COL19A1: variants seen among roughly 807,000 people sequenced by gnomAD.
COL19A1 encodes the protein collagen type XIX alpha 1 chain.
A neutral mutation model predicts 190.2 loss-of-function variants in COL19A1; 159 were observed. That is an observed-to-expected ratio of 0.84 (90% CI 0.73 to 0.95). COL19A1 has a LOEUF of 0.95. Among genes scored for constraint, COL19A1 ranks in the 40% least tolerant of loss-of-function variants. The pLI is 0.00. For synonymous variants in COL19A1, 509 were observed against 458.9 expected (o/e 1.11, Z -1.39); for missense variants, 1,418 against 1,431.9 (o/e 0.99, Z 0.16).
At chr6:70,161,281 C>A (rs948048367) in intron 34 of COL19A1, among the ~76,000 whole-genome samples, 9 of 152,156 alleles carry the variant, frequency 5.9e-5, no homozygotes, top group African/African-American at 1.9e-4. Flanking sequence ...TAAGTGTAAT[C>A]ATCTATTTCT....
At chr6:70,025,570 T>C (rs6934816) in intron 12 of COL19A1, among the ~76,000 whole-genome samples, 59 of 152,336 alleles carry the variant, frequency 3.9e-4, no homozygotes, top group Middle Eastern at 3.4e-3. Context: ...AGGGGAGATG[T>C]GGCCCACACT....
In COL19A1 at chr6:70,207,218, C is replaced by G. The variant is rs143391424; in HGVS notation, c.3373C>G (p.Pro1125Ala). ...CCCAGGACCCAGTGGAAGATGTAAC[C>G]CAGAAGATTGCCTCTATCCTGTGTC... The part of the protein sequence containing the change: ...GPPGPSGRCN[P>A]EDCLYPVSHA... Residue 1125 changes from proline to alanine, a missense_variant, in exon 51 of 51, where the codon CCA becomes GCA. Coordinates refer to ENST00000620364, the MANE Select transcript of COL19A1 (RefSeq NM_001858.6). The G allele has an allele frequency of 1.2e-6, 2 of 1,613,908 alleles. No individual in the cohort carries two copies. The highest frequency in any genetic ancestry group is 1.7e-6 in the Non-Finnish European group (2 of 1,179,974).
chr6:69,902,836 C>A (rs1770277677), intron 4 of COL19A1, among the ~76,000 whole-genome samples: 3 of 152,160 alleles, frequency 2.0e-5, no homozygotes, highest in South Asian at 2.1e-4. Context: ...CGCCAGGGGG[C>A]CACAATAGCC....
chr6:70,039,454 A>ATCT lies in COL19A1; in HGVS notation c.1170+3516_1170+3518dup, dbSNP rs200184571. Among the ~76,000 whole-genome samples the ATCT allele has an allele frequency of 1.2e-3, 184 of 152,306 alleles. No individual in the cohort carries two copies. The East Asian group carries it at 0.027, about 23-fold the overall frequency. On this transcript the variant is annotated intron_variant, in intron 14 of 50. Transcript: ENST00000620364. ...CATTATAGAGGATAGATGAACGTCC[A>ATCT]TCTCCACATTTACAAGCTACTAGCA...
chr6:70,176,662 A>G, intron 42 of COL19A1, 98 bp downstream of exon 42: 2 of 1,096,724 alleles, frequency 1.8e-6, no homozygotes, highest in East Asian at 2.7e-5. Context: ...AGAGCATACC[A>G]TAACTCCCAT....
intron 34 of COL19A1, among the ~76,000 whole-genome samples, chr6:70,159,702 T>C (rs1583053743): frequency 6.6e-6 from 1 of 152,156 alleles, no homozygotes; most frequent in Admixed American, 6.6e-5. Context: ...CACAGTCCTA[T>C]AGAATGCTGA....
chr6:69,931,906 C>T (rs1403145127), intron 6 of COL19A1, among the ~76,000 whole-genome samples: 1 of 151,866 alleles, frequency 6.6e-6, no homozygotes, highest in Non-Finnish European at 1.5e-5. Context: ...ATCACAAATG[C>T]CTGCTTTCTA....
intron 11 of COL19A1, among the ~76,000 whole-genome samples, chr6:69,977,133 A>G (rs1582581939): frequency 6.6e-6 from 1 of 152,166 alleles, no homozygotes. Context: ...TTGCGGCACT[A>G]TTCACAATAG....
In COL19A1 at chr6:70,141,750, T is replaced by A. The variant is rs116591514; in HGVS notation, c.1483-143T>A. 1,895 of 605,734 alleles carry A rather than the reference T, an allele frequency of 3.1e-3. 35 individuals carry two copies. The African/African-American group carries it at 0.032, about 10-fold the overall frequency. The allele number at this position is 605,734 out of a possible 1,614,324, so 37.5% of individuals were successfully genotyped here. A position where few individuals can be genotyped will look rare whatever the true frequency, so the allele number is the denominator to read the frequency against. ...AAGTATTTTGAATCATGTTTTAGAA[T>A]GAACTCTCCTTGATTTTATTGTGTC... is the stretch of plus-strand genomic sequence containing the variant. On this transcript the variant is annotated intron_variant, in intron 20 of 50. Coordinates refer to ENST00000620364, the MANE Select transcript of COL19A1 (RefSeq NM_001858.6).
rs1453681527 is a variant in COL19A1 at position 70,156,192 on chromosome 6, T to C, written c.2145T>C (p.Gly715=). The change falls in exon 32 of 51, where the codon GGT becomes GGC. Residue 715 remains glycine (G), a synonymous_variant. Transcript: ENST00000620364. ...GLKSNKGEEG[G]AGEPGKYDSM... The stretch of plus-strand genomic sequence containing the variant: ...AAAGCAACAAAGGAGAAGAAGGAGG[T>C]GCTGGTGAGCCTGGAAAGTATGATT... The C allele has an allele frequency of 1.2e-6, 2 of 1,612,938 alleles. No individual in the cohort carries two copies. Among genetic ancestry groups the C allele is most frequent in the East Asian group, 2.2e-5 (1 of 44,810 alleles).
intron 34 of COL19A1, among the ~76,000 whole-genome samples, chr6:70,158,947 A>G (rs555249582): frequency 1.2e-4 from 19 of 152,226 alleles, no homozygotes; most frequent in African/African-American, 4.6e-4. Flanking sequence ...TTATGCATCC[A>G]TAGTAACTTT....
chr6:70,156,910 C>T (rs572644079), intron 34 of COL19A1, among the ~76,000 whole-genome samples, 187 bp downstream of exon 34: 26 of 152,066 alleles, frequency 1.7e-4, no homozygotes, highest in African/African-American at 5.3e-4. Context: ...ACCAAGGGTC[C>T]GGTTTTAGAG....
chr6:70,082,955 G>A (rs1198646923), intron 15 of COL19A1, among the ~76,000 whole-genome samples: 1 of 152,144 alleles, frequency 6.6e-6, no homozygotes, highest in African/African-American at 2.4e-5. Flanking sequence ...TGCCCCCACT[G>A]ATGTGACAGG....
chr6:69,907,323 T>C (rs930587397), intron 4 of COL19A1, among the ~76,000 whole-genome samples: 1 of 151,742 alleles, frequency 6.6e-6, no homozygotes, highest in Non-Finnish European at 1.5e-5. Flanking sequence ...AGAGACAGGG[T>C]TTCACCATGT....
chr6:70,102,041 G>A, intron 15 of COL19A1, 128 bp from the exon 16 acceptor site: 1 of 807,618 alleles, frequency 1.2e-6, no homozygotes, highest in Non-Finnish European at 2.1e-6. Context: ...TAAAAGTCAT[G>A]TGGAATTGGA....
intron 1 of COL19A1, among the ~76,000 whole-genome samples, chr6:69,867,093 CTTTT>C (rs3044170): frequency 2.9e-4 from 41 of 141,038 alleles, no homozygotes; most frequent in Admixed American, 3.5e-4. Context: ...CGTTAGAGCG[CTTTT>C]TTTTTTTTTT....
chr6:70,157,216 G>GA (rs570357363), intron 34 of COL19A1, among the ~76,000 whole-genome samples: 10 of 150,724 alleles, frequency 6.6e-5, no homozygotes, highest in Non-Finnish European at 1.3e-4. Flanking sequence ...ATTCTTGGGA[G>GA]AAAAAAAAAC....
chr6:70,058,982 C>T (rs1369441126), intron 14 of COL19A1, among the ~76,000 whole-genome samples: 1 of 151,888 alleles, frequency 6.6e-6, no homozygotes, highest in Non-Finnish European at 1.5e-5. Flanking sequence ...TTCCGATGTC[C>T]CCAACTTAAA....
chr6:70,063,709 G>C (rs1037194323), intron 14 of COL19A1, among the ~76,000 whole-genome samples: 2 of 152,204 alleles, frequency 1.3e-5, no homozygotes, highest in East Asian at 3.9e-4. Context: ...TTTTTGAAAA[G>C]ATCAACAGAA....
Sources: gnomAD v4.1 joint callset for allele counts (sites outside exome capture counted in the v4.1 genomes callset) on GRCh38, gnomAD v4.1.1 for gene constraint, MANE v1.5 for transcripts, NCBI Gene and HGNC (gene_info 2026-07-23, HGNC 2026-07-21) for gene names.